Variants in CUX2 observed in about 807,000 individuals in gnomAD.
The protein encoded by CUX2 is cut like homeobox 2.
In CUX2, 40 loss-of-function variants were observed where a neutral mutation model predicts 144.8. The observed-to-expected ratio is 0.28, with a 90% CI of 0.21 to 0.36. The LOEUF is 0.36. Ranked by LOEUF, CUX2 falls within the 10% of genes least tolerant of loss-of-function variation. The probability of loss-of-function intolerance (pLI) is 1.00; values close to 1 mark genes in which losing one functional copy is unlikely to be tolerated. For missense variants in CUX2, 1,615 were observed against 1,994.0 expected (o/e 0.81, Z 3.62); for synonymous variants, 827 against 875.6 (o/e 0.94, Z 0.98).
intron 1 of CUX2, among the ~76,000 whole-genome samples, chr12:111,062,327 G>A (rs1870817127): frequency 1.3e-5 from 2 of 152,188 alleles, no homozygotes; most frequent in South Asian, 2.1e-4. Flanking sequence ...GAGGGTCCAC[G>A]AGCATTTTAT....
At chr12:111,238,577 T>G (rs1481620831) in intron 3 of CUX2, among the ~76,000 whole-genome samples, 1 of 152,318 alleles carries the variant, frequency 6.6e-6, no homozygotes, top group East Asian at 1.9e-4. Context: ...AGACAAGATT[T>G]GAACCCAGGC....
At position 111,082,815 on chromosome 12, in the gene CUX2, T is replaced by G. The variant is rs147609593; in HGVS notation, c.63+48575T>G. Among the ~76,000 whole-genome samples the G allele has an allele frequency of 9.9e-5, 15 of 152,178 alleles. No individual in the cohort carries two copies. In the East Asian group the frequency reaches 2.5e-3, roughly 26 times the overall value. On this transcript the variant is annotated intron_variant, in intron 1 of 21. Transcript: ENST00000261726. ...GCCCTGAGCAGACTGGTTTGGCTTG[T>G]CTGGGAAGGGTGGGCAATGTGGAAG...
At chr12:111,297,889 AG>A (rs1450406176) in intron 8 of CUX2, among the ~76,000 whole-genome samples, 2 of 152,154 alleles carry the variant, frequency 1.3e-5, no homozygotes, top group East Asian at 3.9e-4. Flanking sequence ...AATGACAAGC[AG>A]GGGTAGGTCC....
chr12:111,248,458 G>C (rs925176091), intron 3 of CUX2, among the ~76,000 whole-genome samples: 22 of 152,276 alleles, frequency 1.4e-4, no homozygotes, highest in East Asian at 9.7e-4. Flanking sequence ...TCGGCTGGCA[G>C]TTTGCCAGCC....
intron 18 of CUX2, among the ~76,000 whole-genome samples, chr12:111,325,028 G>A (rs1055271339): frequency 6.6e-6 from 1 of 151,574 alleles, no homozygotes; most frequent in Non-Finnish European, 1.5e-5. Context: ...CCTCATGCCT[G>A]TAATCCCAGC....
chr12:111,214,041 T>G (rs1881380248), intron 1 of CUX2, among the ~76,000 whole-genome samples, 159 bp from the exon 2 acceptor site: 2 of 152,120 alleles, frequency 1.3e-5, no homozygotes, highest in South Asian at 4.1e-4. Context: ...TGTAAATTAT[T>G]TATTTGTGCC....
chr12:111,155,799 G>A (rs972611951), intron 1 of CUX2, among the ~76,000 whole-genome samples: 17 of 151,994 alleles, frequency 1.1e-4, no homozygotes, highest in South Asian at 2.1e-4. Context: ...CCGAATTAGC[G>A]TTTGGTATTG....
chr12:111,095,505 C>T (rs545196570), intron 1 of CUX2, among the ~76,000 whole-genome samples: 3 of 152,154 alleles, frequency 2.0e-5, no homozygotes, highest in South Asian at 4.2e-4. Flanking sequence ...GTATCAAATT[C>T]CTGTCTGTTA....
intron 4 of CUX2, among the ~76,000 whole-genome samples, chr12:111,276,110 T>C (rs1170407702): frequency 6.6e-6 from 1 of 152,124 alleles, no homozygotes. Flanking sequence ...CAAAGCACTT[T>C]GGAAGGCTGA....
chr12:111,122,102 G>A (rs1016931773), intron 1 of CUX2, among the ~76,000 whole-genome samples: 4 of 152,040 alleles, frequency 2.6e-5, no homozygotes, highest in South Asian at 2.1e-4. Context: ...ATTATGGCCC[G>A]TCCACCTGGG....
At chr12:111,279,122 G>A (rs1409634606) in intron 4 of CUX2, among the ~76,000 whole-genome samples, 1 of 152,210 alleles carries the variant, frequency 6.6e-6, no homozygotes, top group Admixed American at 6.5e-5. Context: ...TTCTAGAGCA[G>A]CCAACTGAAC....
intron 2 of CUX2, among the ~76,000 whole-genome samples, chr12:111,217,198 G>C (rs1881587028): frequency 6.6e-6 from 1 of 152,172 alleles, no homozygotes; most frequent in Admixed American, 6.5e-5. Context: ...GGAGGCTCAG[G>C]GTGGCTGTGA....
chr12:111,322,659 G>A lies in CUX2; in HGVS notation c.2926+79G>A. 6.6e-7 allele frequency: 1 copy of A among 1,524,670 alleles called. No homozygotes were observed. Among genetic ancestry groups the A allele is most frequent in the East Asian group, 2.3e-5 (1 of 42,870 alleles). The allele number at this position is 1,524,670 out of a possible 1,614,324, so 94.4% of individuals were successfully genotyped here. On this transcript the variant is annotated intron_variant, in intron 18 of 21. Coordinates refer to ENST00000261726, the MANE Select transcript of CUX2 (RefSeq NM_015267.4). The surrounding 1 kb of genome is among the most constrained non-coding windows in gnomAD (Gnocchi z 4.2). The stretch of plus-strand genomic sequence containing the variant: ...AGTGGCATGTCCGCCTGGCTTTACT[G>A]CCCGAGTCTACCTATCTCTCCCTCC...
intron 1 of CUX2, among the ~76,000 whole-genome samples, chr12:111,073,638 TAGCATCTCCCAA>T (rs1871355726): frequency 6.6e-6 from 1 of 152,084 alleles, no homozygotes; most frequent in South Asian, 2.1e-4. Context: ...CTCAGTGCGA[TAGCATCTCCCAA>T]ATTGTAACAA....
chr12:111,105,586 T>C (rs1050635965), intron 1 of CUX2, among the ~76,000 whole-genome samples: 1 of 152,190 alleles, frequency 6.6e-6, no homozygotes, highest in Non-Finnish European at 1.5e-5. Flanking sequence ...ATGGGGAATG[T>C]AGATTGCTTC....
At position 111,289,689 on chromosome 12, in the gene CUX2, T is replaced by A. The variant is rs1885572182; in HGVS notation, c.302-1729T>A. On this transcript the variant is annotated intron_variant, in intron 4 of 21. Coordinates refer to ENST00000261726, the MANE Select transcript of CUX2 (RefSeq NM_015267.4). The surrounding 1 kb of genome is among the most constrained non-coding windows in gnomAD (Gnocchi z 4.1). ...TGCACGTTCCTCACCTTTGAGTGAT[T>A]GGGGAATTGGTGGACATCTTACATC... is the stretch of plus-strand genomic sequence containing the variant. Among the ~76,000 whole-genome samples, 1 of 151,644 alleles carries A rather than the reference T, an allele frequency of 6.6e-6. No homozygotes were observed. Among genetic ancestry groups the A allele is most frequent in the African/African-American group, 2.4e-5 (1 of 41,252 alleles).
chr12:111,088,142 G>A (rs536445224), intron 1 of CUX2, among the ~76,000 whole-genome samples: 6 of 152,316 alleles, frequency 3.9e-5, no homozygotes, highest in African/African-American at 1.2e-4. Flanking sequence ...GGTCAGGGAG[G>A]AAAATATGTG....
intron 1 of CUX2, among the ~76,000 whole-genome samples, chr12:111,084,606 G>A (rs1872091092): frequency 6.6e-6 from 1 of 151,736 alleles, no homozygotes; most frequent in African/African-American, 2.4e-5. Context: ...GTATTTTAAC[G>A]CTTACACTTT....
At chr12:111,273,833 C>A (rs1592906263) in intron 4 of CUX2, among the ~76,000 whole-genome samples, 2 of 152,310 alleles carry the variant, frequency 1.3e-5, no homozygotes, top group South Asian at 4.1e-4. Context: ...GGATAATGAC[C>A]TCCCCTCATT....
Sources: gnomAD v4.1 joint callset for allele counts (sites outside exome capture counted in the v4.1 genomes callset) on GRCh38, gnomAD v4.1.1 for gene constraint, Gnocchi (gnomAD v3.1) non-coding constraint, MANE v1.5 for transcripts, NCBI Gene and HGNC (gene_info 2026-07-23, HGNC 2026-07-21) for gene names.